KIF2C: variants seen among roughly 807,000 people sequenced by gnomAD.
The protein encoded by KIF2C is kinesin-like protein KIF2C.
KIF2C carries 34 observed loss-of-function variants against 97.4 expected under a neutral mutation model. The ratio of observed to expected loss-of-function variants is 0.35; its 90% CI spans 0.27 to 0.46. The LOEUF (loss-of-function observed/expected upper bound fraction) is 0.46. Ranked by LOEUF, KIF2C falls within the 20% of genes least tolerant of loss-of-function variation. KIF2C has a pLI of 1.00. For missense variants in KIF2C, 750 were observed against 907.6 expected (o/e 0.83, Z 2.23); for synonymous variants, 313 against 318.2 (o/e 0.98, Z 0.17).
chr1:44,754,422 C>G (rs1225090703), intron 7 of KIF2C, among the ~76,000 whole-genome samples: 1 of 152,176 alleles, frequency 6.6e-6, no homozygotes, highest in Non-Finnish European at 1.5e-5. Context: ...CTCCTATCCT[C>G]CCCCAAGTTG....
intron 8 of KIF2C, among the ~76,000 whole-genome samples, 183 bp downstream of exon 8, chr1:44,755,028 C>T (rs1557596044): frequency 1.3e-5 from 2 of 151,940 alleles, no homozygotes. Context: ...GATCTTGGAT[C>T]ACTGCAACCT....
At position 44,739,870 on chromosome 1, in the gene KIF2C, G is replaced by C. The variant is rs374544320; in HGVS notation, c.-63G>C. On this transcript the variant is annotated 5_prime_UTR_variant, in exon 1 of 21. Coordinates refer to ENST00000372224, the MANE Select transcript of KIF2C (RefSeq NM_006845.4). ...GCGGTTTACGCGGCGTTAAGACTTC[G>C]TAGGGTTAGCGAAATTGAGGTTTCT... 48 of 1,481,338 alleles carry C rather than the reference G, an allele frequency of 3.2e-5. No homozygotes were observed. The African/African-American group carries it at 5.5e-4, about 17-fold the overall frequency. 91.8% of individuals were successfully genotyped at this position (1,481,338 alleles called of 1,614,324 possible).
In KIF2C at chr1:44,758,109, A is replaced by T. The variant is rs780594776; in HGVS notation, c.1193A>T (p.Tyr398Phe). Residue 398 changes from tyrosine to phenylalanine, a missense_variant, in exon 13 of 21, where the codon TAT becomes TTT. By Grantham distance (22) the Tyr-to-Phe change is conservative (BLOSUM62 3). Coordinates refer to ENST00000372224, the MANE Select transcript of KIF2C (RefSeq NM_006845.4). ...TACCGGAAGTTGGGCCTGGAAGTCTATGTGACATTCTTCGAGATCTACAAT... is the reference window on the plus strand; with the variant it reads ...TACCGGAAGTTGGGCCTGGAAGTCTTTGTGACATTCTTCGAGATCTACAAT... Reference protein sequence around the residue: ...PCYRKLGLEVYVTFFEIYNGK... With the variant: ...PCYRKLGLEVFVTFFEIYNGK... The T allele has an allele frequency of 6.2e-7, 1 of 1,613,642 alleles. No individual in the cohort carries two copies. Among genetic ancestry groups the T allele is most frequent in the East Asian group, 2.2e-5 (1 of 44,866 alleles).
chr1:44,745,635 T>C (rs1192692353), intron 2 of KIF2C, among the ~76,000 whole-genome samples: 1 of 151,128 alleles, frequency 6.6e-6, no homozygotes, highest in Admixed American at 6.6e-5. Flanking sequence ...CACACCTGGC[T>C]AATTTTTTAT....
At chr1:44,741,851 G>A (rs981919594) in intron 2 of KIF2C, among the ~76,000 whole-genome samples, 1 of 151,776 alleles carries the variant, frequency 6.6e-6, no homozygotes, top group Non-Finnish European at 1.5e-5. Flanking sequence ...ACATTAGCCG[G>A]GCATGGTGGT....
intron 2 of KIF2C, among the ~76,000 whole-genome samples, chr1:44,741,864 A>C (rs925155335): frequency 6.6e-6 from 1 of 151,866 alleles, no homozygotes. Flanking sequence ...ATGGTGGTGC[A>C]TGCCTGTGGT....
intron 19 of KIF2C, among the ~76,000 whole-genome samples, chr1:44,766,147 A>T (rs1650452939): frequency 6.6e-6 from 1 of 152,108 alleles, no homozygotes. Context: ...AATCACTTAA[A>T]CCTGGGAGGC....
chr1:44,746,413 G>A (rs746389574), intron 2 of KIF2C: 140 of 1,130,510 alleles, frequency 1.2e-4, no homozygotes, highest in Non-Finnish European at 1.4e-4. Context: ...GCAGGAAGCC[G>A]TAACTGGGGA....
intron 2 of KIF2C, 81 bp from the exon 3 acceptor site, chr1:44,747,303 G>C: frequency 8.8e-7 from 1 of 1,133,842 alleles, no homozygotes; most frequent in African/African-American, 1.6e-5. Context: ...GCGATACTCT[G>C]TCTCAAAAAA....
At chr1:44,751,307 C>T (rs1557593179) in intron 5 of KIF2C, among the ~76,000 whole-genome samples, 1 of 151,590 alleles carries the variant, frequency 6.6e-6, no homozygotes, top group Non-Finnish European at 1.5e-5. Flanking sequence ...CCAGTTCTCC[C>T]ACCTCAGCCT....
chr1:44,751,821 CTTT>C (rs375561958), intron 5 of KIF2C, among the ~76,000 whole-genome samples: 1 of 100,098 alleles, frequency 1.0e-5, no homozygotes, highest in Non-Finnish European at 1.8e-5. Flanking sequence ...CTTTTTATAC[CTTT>C]TTTTTTTTTT....
At chr1:44,747,789 C>G (rs1396329456) in intron 4 of KIF2C, 89 bp downstream of exon 4, 5 of 1,205,850 alleles carry the variant, frequency 4.1e-6, no homozygotes, top group Non-Finnish European at 6.0e-6. Context: ...TCCTCTTTTG[C>G]AGGTGGTTTC....
chr1:44,752,053 C>T (rs1199086548), intron 5 of KIF2C, among the ~76,000 whole-genome samples: 5 of 151,538 alleles, frequency 3.3e-5, no homozygotes, highest in East Asian at 3.9e-4. Flanking sequence ...AACTCCTGAC[C>T]TCGTGATCCA....
At chr1:44,748,607 C>T (rs1048705925) in intron 4 of KIF2C, among the ~76,000 whole-genome samples, 8 of 152,050 alleles carry the variant, frequency 5.3e-5, no homozygotes, top group African/African-American at 1.4e-4. Flanking sequence ...ATGATATGAT[C>T]GTAGCTCACT....
At position 44,746,326 on chromosome 1, in the gene KIF2C, A is replaced by C. The variant is rs1337904900; in HGVS notation, c.166-1058A>C. 32 of 1,000,432 alleles carry C rather than the reference A, an allele frequency of 3.2e-5. 1 individual carries two copies. In the East Asian group the frequency reaches 3.0e-3, roughly 93 times the overall value. 62.0% of individuals were successfully genotyped at this position (1,000,432 alleles called of 1,614,324 possible). On this transcript the variant is annotated intron_variant, in intron 2 of 20. Transcript: ENST00000372224. ...GGTGAAGTTTGAGTTGTTCCTGGAG[A>C]ATTGCAGGACTCTGATGATGTAAAC...
intron 13 of KIF2C, 86 bp from the exon 14 acceptor site, chr1:44,759,120 G>A (rs886618113): frequency 1.4e-5 from 22 of 1,557,308 alleles, no homozygotes; most frequent in African/African-American, 2.7e-5. Flanking sequence ...GCTCTTGTCC[G>A]AGCTGGGCAG....
intron 4 of KIF2C, 84 bp downstream of exon 4, chr1:44,747,784 T>C: frequency 7.9e-7 from 1 of 1,263,836 alleles, no homozygotes; most frequent in Non-Finnish European, 1.1e-6. Flanking sequence ...GAAGCTCCTC[T>C]TTTGCAGGTG....
intron 4 of KIF2C, among the ~76,000 whole-genome samples, chr1:44,748,487 C>T (rs1649337346): frequency 6.6e-6 from 1 of 152,136 alleles, no homozygotes; most frequent in Non-Finnish European, 1.5e-5. Context: ...AGAGTTGGGA[C>T]TCGCAGCAGT....
At chr1:44,766,536 G>C (rs991730591) in intron 19 of KIF2C, among the ~76,000 whole-genome samples, 2 of 152,092 alleles carry the variant, frequency 1.3e-5, no homozygotes, top group African/African-American at 4.8e-5. Context: ...CCTTAAACTC[G>C]GGGGGTGGAG....
Sources: allele counts gnomAD v4.1 joint callset (sites outside exome capture counted in the v4.1 genomes callset), GRCh38; gene constraint gnomAD v4.1.1; transcripts MANE v1.5; gene names NCBI Gene and HGNC (gene_info 2026-07-23, HGNC 2026-07-21).